Variants in STPG2 observed in about 807,000 individuals in gnomAD.
STPG2 encodes the protein sperm-tail PG-rich repeat-containing protein 2.
In STPG2, 56 loss-of-function variants were observed where a neutral mutation model predicts 54.2. The observed-to-expected ratio is 1.03, with a 90% CI of 0.83 to 1.29. The LOEUF is 1.29. Ranked by LOEUF, STPG2 falls within the 50% of genes most tolerant of loss-of-function variation. The pLI is 0.00. For synonymous variants in STPG2, 200 were observed against 181.8 expected (o/e 1.10, Z -0.81); for missense variants, 596 against 544.9 (o/e 1.09, Z -0.93).
chr4:97,958,649 G>A (rs1733776812), intron 7 of STPG2, among the ~76,000 whole-genome samples: 1 of 152,052 alleles, frequency 6.6e-6, no homozygotes. Flanking sequence ...AGACAAAGAA[G>A]GCCTTGTCCA....
At chr4:97,714,434 A>G (rs7658798) in intron 9 of STPG2, among the ~76,000 whole-genome samples, 16,649 of 152,056 alleles carry the variant, frequency 0.11, 2,642 homozygotes, top group African/African-American at 0.35. Context: ...AAAAGCTGGT[A>G]TTTAAAATAA....
intron 8 of STPG2, among the ~76,000 whole-genome samples, chr4:97,883,751 G>A (rs1239929667): frequency 6.6e-6 from 1 of 152,030 alleles, no homozygotes; most frequent in Non-Finnish European, 1.5e-5. Flanking sequence ...TCCAAGAGCT[G>A]GACAATAGTC....
At chr4:97,618,031 C>T (rs571974045) in intron 10 of STPG2, among the ~76,000 whole-genome samples, 7 of 152,138 alleles carry the variant, frequency 4.6e-5, no homozygotes, top group Non-Finnish European at 8.8e-5. Flanking sequence ...AATATATTTT[C>T]CAAAGAGCAT....
intron 8 of STPG2, among the ~76,000 whole-genome samples, chr4:97,900,300 G>T (rs1236510777): frequency 2.6e-5 from 4 of 151,332 alleles, no homozygotes; most frequent in African/African-American, 9.7e-5. Flanking sequence ...TGCAGAAAAA[G>T]AAATGCTAAT....
chr4:97,469,576 T>C (rs1359831361), intron 4 of STPG2, among the ~76,000 whole-genome samples: 1 of 151,932 alleles, frequency 6.6e-6, no homozygotes, highest in Non-Finnish European at 1.5e-5. Context: ...GAGTATAATA[T>C]GTCTGAGGGA....
chr4:97,934,457 T>G (rs1165542484), intron 8 of STPG2, among the ~76,000 whole-genome samples: 1 of 152,204 alleles, frequency 6.6e-6, no homozygotes, highest in Non-Finnish European at 1.5e-5. Context: ...AGGAGAATGC[T>G]TCCAGCTTTT....
Position 97,938,673 on chromosome 4 carries a change from G to A in STPG2, c.1044+5224C>T, listed in dbSNP as rs370979194. Among the ~76,000 whole-genome samples, 98 of 152,284 alleles carry A rather than the reference G, an allele frequency of 6.4e-4. 1 individual carries two copies. The South Asian group carries it at 0.018, about 28-fold the overall frequency. Reference sequence around the variant, plus strand: ...CAGAGCTTCCCAGGCTGGATGGCACGCTCACTCACTGCCTCCCTTGGCTGG... The same window carrying A: ...CAGAGCTTCCCAGGCTGGATGGCACACTCACTCACTGCCTCCCTTGGCTGG... On this transcript the variant is annotated intron_variant, in intron 8 of 10. Transcript: ENST00000295268.
At chr4:97,774,038 C>T (rs1726299181) in intron 9 of STPG2, among the ~76,000 whole-genome samples, 1 of 146,480 alleles carries the variant, frequency 6.8e-6, no homozygotes, top group South Asian at 2.2e-4. Context: ...AGAAAGACTG[C>T]AATAAATGCC....
At chr4:97,727,251 T>C (rs1016861799) in intron 9 of STPG2, among the ~76,000 whole-genome samples, 1 of 151,954 alleles carries the variant, frequency 6.6e-6, no homozygotes, top group African/African-American at 2.4e-5. Context: ...GTCTATCTCA[T>C]GATTCCATAT....
chr4:97,918,596 TAC>T (rs767565437), intron 8 of STPG2, among the ~76,000 whole-genome samples: 9 of 151,812 alleles, frequency 5.9e-5, no homozygotes, highest in Non-Finnish European at 1.3e-4. Flanking sequence ...CACATATATA[TAC>T]ACACACACAT....
intron 5 of STPG2, 126 bp downstream of exon 5, chr4:98,105,827 C>A (rs1739172813): frequency 1.2e-6 from 1 of 808,230 alleles, no homozygotes; most frequent in Non-Finnish European, 1.8e-6. Context: ...CTTCCTTCTA[C>A]AATATTCATT....
At chr4:98,030,381 C>T in intron 5 of STPG2, among the ~76,000 whole-genome samples, 1 of 152,082 alleles carries the variant, frequency 6.6e-6, no homozygotes, top group East Asian at 1.9e-4. Flanking sequence ...CTATGCAATT[C>T]CCCAGAAATT....
intron 10 of STPG2, among the ~76,000 whole-genome samples, chr4:97,665,361 C>A (rs1020224856): frequency 2.0e-5 from 3 of 152,158 alleles, no homozygotes; most frequent in Non-Finnish European, 2.9e-5. Context: ...AGCAATAGAA[C>A]AGCTCAGAGG....
intron 9 of STPG2, among the ~76,000 whole-genome samples, chr4:97,807,422 A>G (rs1727602735): frequency 6.6e-6 from 1 of 152,066 alleles, no homozygotes; most frequent in Non-Finnish European, 1.5e-5. Context: ...TATACTAAGC[A>G]TTATGAATAG....
At chr4:97,908,168 A>C (rs1361150787) in intron 8 of STPG2, among the ~76,000 whole-genome samples, 2 of 152,128 alleles carry the variant, frequency 1.3e-5, no homozygotes, top group Admixed American at 1.3e-4. Flanking sequence ...AAACAAATTT[A>C]CAAGAAAAAA....
chr4:97,503,415 A>G (rs534530097), intron 4 of STPG2, among the ~76,000 whole-genome samples: 143 of 152,134 alleles, frequency 9.4e-4, no homozygotes, highest in Middle Eastern at 3.4e-3. Context: ...AATATCAGAA[A>G]AAAGAAAATA....
rs149263117 is a variant in STPG2, at chr4:97,999,614, G to A, written c.613-18296C>T. Reference sequence around the variant, plus strand: ...CTCGGGAGGCTGAGGCATGAGAATCGCTTGAACCCAGGAGGCAGAGGTGGC... The same window carrying A: ...CTCGGGAGGCTGAGGCATGAGAATCACTTGAACCCAGGAGGCAGAGGTGGC... On this transcript the variant is annotated intron_variant, in intron 5 of 10. Coordinates refer to ENST00000295268, the MANE Select transcript of STPG2 (RefSeq NM_174952.3). Among the ~76,000 whole-genome samples the A allele has an allele frequency of 1.9e-3, 287 of 152,130 alleles. 2 individuals are homozygous for A. Among genetic ancestry groups the A allele is most frequent in the African/African-American group, 6.4e-3 (267 of 41,506 alleles).
At chr4:97,749,542 T>G (rs2149044395) in intron 9 of STPG2, among the ~76,000 whole-genome samples, 1 of 151,850 alleles carries the variant, frequency 6.6e-6, no homozygotes, top group East Asian at 1.9e-4. Context: ...ACTTTATTAT[T>G]TTATCAATGT....
chr4:98,142,455 T>C (rs1405719298), intron 1 of STPG2, among the ~76,000 whole-genome samples: 1 of 152,146 alleles, frequency 6.6e-6, no homozygotes, highest in Non-Finnish European at 1.5e-5. Context: ...TTATTTAAAT[T>C]ATCCATCCCC....
Sources: allele counts gnomAD v4.1 joint callset (sites outside exome capture counted in the v4.1 genomes callset), GRCh38; gene constraint gnomAD v4.1.1; transcripts MANE v1.5; gene names NCBI Gene and HGNC (gene_info 2026-07-23, HGNC 2026-07-21).